Variants in MAST2 observed in about 807,000 individuals in gnomAD.
The protein encoded by MAST2 is microtubule-associated serine/threonine-protein kinase 2.
Under a neutral mutation model 147.4 loss-of-function variants are expected in MAST2, and 70 were observed. The ratio of observed to expected loss-of-function variants is 0.47; its 90% CI spans 0.39 to 0.58. The LOEUF (loss-of-function observed/expected upper bound fraction) is 0.58, where lower values mean the gene tolerates loss of function less well. MAST2 is among the 20% of genes least tolerant of loss of function. The pLI, the probability that MAST2 is intolerant of heterozygous loss-of-function variation, is 0.00. For missense variants in MAST2, 2,080 were observed against 2,302.3 expected (o/e 0.90, Z 1.98); for synonymous variants, 869 against 896.8 (o/e 0.97, Z 0.55).
rs13374335 is a variant in MAST2, at chr1:45,822,206, C to T, written c.178-2227C>T. Among the ~76,000 whole-genome samples the T allele has an allele frequency of 7.6e-3, 1,161 of 152,148 alleles. 23 individuals are homozygous for T. Among genetic ancestry groups the T allele is most frequent in the African/African-American group, 0.027 (1,109 of 41,472 alleles). On this transcript the variant is annotated intron_variant, in intron 1 of 28. Coordinates refer to ENST00000361297, the MANE Select transcript of MAST2 (RefSeq NM_015112.3). ...GCCTGGCTATTTTCAGTGTTTTAAT[C>T]TTGATGCTGCTTAGTGGGTCTGTTC...
intron 1 of MAST2, among the ~76,000 whole-genome samples, chr1:45,806,856 C>T (rs948803288): frequency 1.3e-5 from 2 of 152,106 alleles, no homozygotes; most frequent in East Asian, 1.9e-4. Context: ...GGATTACAGG[C>T]GTGAACTACC....
In MAST2 at chr1:45,994,755, G is replaced by A. The variant is rs190642443; in HGVS notation, c.593-2969G>A. 8.5e-5 allele frequency among the ~76,000 whole-genome samples: 13 copies of A among 152,220 alleles called. No homozygotes were observed. In the East Asian group the frequency reaches 1.7e-3, roughly 20 times the overall value. ...TTTACAGGCTCCTTCCCAGGAACTGGGTACTAAGGCCAGTCAAATTCTTTA... is the reference window on the plus strand; with the variant it reads ...TTTACAGGCTCCTTCCCAGGAACTGAGTACTAAGGCCAGTCAAATTCTTTA... On this transcript the variant is annotated intron_variant, in intron 5 of 28. Coordinates refer to ENST00000361297, the MANE Select transcript of MAST2 (RefSeq NM_015112.3).
intron 4 of MAST2, among the ~76,000 whole-genome samples, chr1:45,891,575 T>C (rs1446009549): frequency 6.6e-6 from 1 of 152,140 alleles, no homozygotes; most frequent in African/African-American, 2.4e-5. Flanking sequence ...AAAGACAAAC[T>C]AGAAGAGTAT....
At chr1:45,906,161 A>G (rs1286988638) in intron 4 of MAST2, among the ~76,000 whole-genome samples, 1 of 152,198 alleles carries the variant, frequency 6.6e-6, no homozygotes, top group Non-Finnish European at 1.5e-5. Context: ...TGTACAAGTT[A>G]TTTATATATT....
intron 4 of MAST2, among the ~76,000 whole-genome samples, chr1:45,909,514 CTTTTT>C (rs1049052815): frequency 5.6e-5 from 8 of 143,176 alleles, no homozygotes; most frequent in African/African-American, 2.0e-4. Flanking sequence ...TCTATATCGT[CTTTTT>C]TTTTTTTTCC....
At chr1:45,959,909 T>C (rs1340273097) in intron 5 of MAST2, among the ~76,000 whole-genome samples, 1 of 152,160 alleles carries the variant, frequency 6.6e-6, no homozygotes, top group African/African-American at 2.4e-5. Context: ...GATTAGGAGA[T>C]AACAAAAGCA....
intron 11 of MAST2, 103 bp from the exon 12 acceptor site, chr1:46,021,847 G>A (rs938765180): frequency 8.9e-7 from 1 of 1,121,132 alleles, no homozygotes; most frequent in Non-Finnish European, 1.3e-6. Context: ...CTATCACAGA[G>A]AAAGTCTTGT....
intron 3 of MAST2, among the ~76,000 whole-genome samples, chr1:45,879,525 A>T (rs1646750583): frequency 7.2e-6 from 1 of 138,018 alleles, no homozygotes; most frequent in Non-Finnish European, 1.5e-5. Flanking sequence ...GCACGCCGAG[A>T]TTGCACCACT....
chr1:45,937,498 C>T (rs1268956244), intron 4 of MAST2, among the ~76,000 whole-genome samples: 1 of 151,870 alleles, frequency 6.6e-6, no homozygotes, highest in Non-Finnish European at 1.5e-5. Context: ...GCCTGTAATC[C>T]TAGCACTTTG....
intron 4 of MAST2, among the ~76,000 whole-genome samples, chr1:45,918,371 G>C (rs1451512567): frequency 2.0e-5 from 3 of 152,212 alleles, no homozygotes; most frequent in Non-Finnish European, 4.4e-5. Context: ...AGTGATACTG[G>C]TACAGAATAA....
Position 46,029,096 on chromosome 1 carries a change from A to T in MAST2, c.2218+163A>T. ...TGGGTGTCTCTGTGTTTCTGCATGT[A>T]CATACATGTGCACACTGTGTCCCTT... On this transcript the variant is annotated intron_variant, in intron 18 of 28. Coordinates refer to ENST00000361297, the MANE Select transcript of MAST2 (RefSeq NM_015112.3). 4.0e-6 allele frequency: 3 copies of T among 756,720 alleles called. No individual in the cohort carries two copies. The East Asian group carries it at 8.0e-5, about 20-fold the overall frequency. The allele number at this position is 756,720 out of a possible 1,614,324, so 46.9% of individuals were successfully genotyped here. A position where few individuals can be genotyped will look rare whatever the true frequency, so the allele number is the denominator to read the frequency against.
intron 5 of MAST2, among the ~76,000 whole-genome samples, chr1:45,979,466 A>G (rs1449461384): frequency 6.9e-6 from 1 of 144,882 alleles, no homozygotes; most frequent in Non-Finnish European, 1.5e-5. Context: ...TGAGCCAGTT[A>G]TTGCCATCCT....
At chr1:45,811,251 C>A (rs1461078057) in intron 1 of MAST2, among the ~76,000 whole-genome samples, 2 of 151,894 alleles carry the variant, frequency 1.3e-5, no homozygotes, top group Admixed American at 6.5e-5. Flanking sequence ...ACTGCAGCCT[C>A]CCCCTGTGGG....
chr1:45,988,921 C>G (rs570213698), intron 5 of MAST2, among the ~76,000 whole-genome samples: 8 of 152,198 alleles, frequency 5.3e-5, no homozygotes, highest in Non-Finnish European at 8.8e-5. Context: ...TTTCTGACCC[C>G]AGTCCTAGAA....
chr1:45,812,733 A>G (rs765085973), intron 1 of MAST2, among the ~76,000 whole-genome samples: 6 of 152,074 alleles, frequency 3.9e-5, no homozygotes, highest in Non-Finnish European at 8.8e-5. Context: ...CCCTACTCCT[A>G]TTTTTAATAG....
At chr1:45,853,962 A>G (rs545937247) in intron 3 of MAST2, among the ~76,000 whole-genome samples, 1 of 152,174 alleles carries the variant, frequency 6.6e-6, no homozygotes, top group African/African-American at 2.4e-5. Context: ...CAGCTCATGG[A>G]TGTCCAGTTG....
chr1:45,915,323 G>T (rs1214301017), intron 4 of MAST2, among the ~76,000 whole-genome samples: 1 of 152,122 alleles, frequency 6.6e-6, no homozygotes, highest in Non-Finnish European at 1.5e-5. Context: ...TAAGTAGTTT[G>T]TATATCACCT....
intron 22 of MAST2, 77 bp downstream of exon 22, chr1:46,030,838 T>C: frequency 6.7e-7 from 1 of 1,485,624 alleles, no homozygotes; most frequent in East Asian, 2.4e-5. Context: ...GAGATTCCGA[T>C]GCCAGGGAGG....
chr1:45,928,184 A>G (rs1436301081), intron 4 of MAST2, among the ~76,000 whole-genome samples: 4 of 151,932 alleles, frequency 2.6e-5, no homozygotes, highest in African/African-American at 4.8e-5. Flanking sequence ...ATCCCCACCT[A>G]TTTTCTTTCT....
Sources: gnomAD v4.1 joint callset for allele counts (sites outside exome capture counted in the v4.1 genomes callset) on GRCh38, gnomAD v4.1.1 for gene constraint, MANE v1.5 for transcripts, NCBI Gene and HGNC (gene_info 2026-07-23, HGNC 2026-07-21) for gene names.